TEAD1: variants seen among roughly 807,000 people sequenced by gnomAD.
The protein encoded by TEAD1 is TEA domain transcription factor 1.
In TEAD1, 9 loss-of-function variants were observed where a neutral mutation model predicts 54.9. That is an observed-to-expected ratio of 0.16 (90% CI 0.10 to 0.29). The LOEUF is 0.29. Among genes scored for constraint, TEAD1 ranks in the 10% least tolerant of loss-of-function variants. The pLI is 1.00. For missense variants in TEAD1, 387 were observed against 535.9 expected (o/e 0.72, Z 2.74); for synonymous variants, 200 against 187.8 (o/e 1.07, Z -0.53).
At chr11:12,692,458 T>G (rs1230434177) in intron 2 of TEAD1, among the ~76,000 whole-genome samples, 1 of 152,184 alleles carries the variant, frequency 6.6e-6, no homozygotes, top group Non-Finnish European at 1.5e-5. Flanking sequence ...ACCAGCATCC[T>G]GGCCTGGGAA....
chr11:12,864,721 A>C, intron 4 of TEAD1, 117 bp from the exon 5 acceptor site: 1 of 1,603,200 alleles, frequency 6.2e-7, no homozygotes, highest in Non-Finnish European at 8.5e-7. Context: ...CAAGAAAGAA[A>C]GTTCGAGAAA....
Position 12,799,499 on chromosome 11 carries a change from A to AGT in TEAD1, c.202+35076_202+35077dup, listed in dbSNP as rs554212680. Among the ~76,000 whole-genome samples the AGT allele has an allele frequency of 5.9e-3, 904 of 152,262 alleles. 5 individuals carry two copies. The highest frequency in any genetic ancestry group is 0.017 in the Middle Eastern group (5 of 294). ...TTCCCTCTGAAATTGGCAGAAGATG[A>AGT]GTGTGTGTGTGTCAGCGTTTTTAAC... is the stretch of plus-strand genomic sequence containing the variant. On this transcript the variant is annotated intron_variant, in intron 3 of 12. Coordinates refer to ENST00000527636, the MANE Select transcript of TEAD1 (RefSeq NM_021961.6).
At chr11:12,801,531 T>C (rs1004356257) in intron 3 of TEAD1, among the ~76,000 whole-genome samples, 2 of 152,244 alleles carry the variant, frequency 1.3e-5, no homozygotes, top group African/African-American at 4.8e-5. Flanking sequence ...TGTCAGTAAC[T>C]CTGTGAAATA....
intron 10 of TEAD1, among the ~76,000 whole-genome samples, chr11:12,908,537 C>T (rs1440278): frequency 0.03 from 4,619 of 152,178 alleles, 126 homozygotes; most frequent in East Asian, 0.12. Flanking sequence ...GCTCTGTGGC[C>T]GCACCTGACT....
intron 3 of TEAD1, 121 bp downstream of exon 3, chr11:12,764,555 T>G: frequency 1.7e-6 from 2 of 1,197,108 alleles, no homozygotes; most frequent in Non-Finnish European, 2.4e-6. Flanking sequence ...ATTTGTAGAA[T>G]TTTAGTGGGT....
intron 2 of TEAD1, among the ~76,000 whole-genome samples, chr11:12,700,732 C>G (rs1943683231): frequency 6.6e-6 from 1 of 152,148 alleles, no homozygotes; most frequent in Non-Finnish European, 1.5e-5. Flanking sequence ...GTTGCTTTTG[C>G]TTCCTAATTT....
Position 12,938,861 on chromosome 11 carries a change from A to ATGTG in TEAD1, c.*1640_*1641insGTGT, listed in dbSNP as rs1949133896. On this transcript the variant is annotated 3_prime_UTR_variant, in exon 13 of 13. Coordinates refer to ENST00000527636, the MANE Select transcript of TEAD1 (RefSeq NM_021961.6). ...TAAGTGGTAGGAACATGTGCACACA[A>ATGTG]TAGAACATGAAATAAGTTTTTTAAC... 6.6e-6 allele frequency: 1 copy of ATGTG among 152,240 alleles called. No homozygotes were observed. Among genetic ancestry groups the ATGTG allele is most frequent in the Non-Finnish European group, 1.5e-5 (1 of 68,054 alleles). 9.4% of individuals were successfully genotyped at this position (152,240 alleles called of 1,614,324 possible).
chr11:12,872,481 A>G (rs2134083837), intron 5 of TEAD1, among the ~76,000 whole-genome samples: 1 of 152,280 alleles, frequency 6.6e-6, no homozygotes, highest in Admixed American at 6.5e-5. Flanking sequence ...AGATATTTTT[A>G]TTACCTTGTT....
chr11:12,849,978 T>C (rs2134049015), intron 3 of TEAD1, among the ~76,000 whole-genome samples: 1 of 152,342 alleles, frequency 6.6e-6, no homozygotes, highest in East Asian at 1.9e-4. Flanking sequence ...TTGGAAAAGA[T>C]GTTCAATTTC....
chr11:12,768,585 C>G (rs1945253999), intron 3 of TEAD1, among the ~76,000 whole-genome samples: 1 of 152,220 alleles, frequency 6.6e-6, no homozygotes, highest in Non-Finnish European at 1.5e-5. Context: ...TAGCAGGTTT[C>G]AAATTCAGGG....
At chr11:12,800,928 C>T (rs1345420241) in intron 3 of TEAD1, among the ~76,000 whole-genome samples, 1 of 152,232 alleles carries the variant, frequency 6.6e-6, no homozygotes, top group Non-Finnish European at 1.5e-5. Flanking sequence ...TTCTCAGTGT[C>T]AGCACCATGC....
chr11:12,876,567 G>A (rs1352231656), intron 5 of TEAD1, among the ~76,000 whole-genome samples: 1 of 152,184 alleles, frequency 6.6e-6, no homozygotes, highest in Non-Finnish European at 1.5e-5. Context: ...TTGCTCAGAT[G>A]TGTCAGTCAG....
intron 2 of TEAD1, among the ~76,000 whole-genome samples, chr11:12,696,636 C>T (rs1943590401): frequency 6.6e-6 from 1 of 152,128 alleles, no homozygotes; most frequent in African/African-American, 2.4e-5. Flanking sequence ...CTCGTATTCC[C>T]TTACCGTTTT....
intron 10 of TEAD1, among the ~76,000 whole-genome samples, chr11:12,908,881 C>CTTTTTTTTTTTTTTT (rs1564986691): frequency 9.4e-5 from 7 of 74,316 alleles, no homozygotes; most frequent in African/African-American, 3.7e-4. Context: ...TTCAAATTAT[C>CTTTTTTTTTTTTTTT]TGTTTTTTTT....
intron 3 of TEAD1, among the ~76,000 whole-genome samples, chr11:12,787,736 C>T (rs1045373343): frequency 1.3e-5 from 2 of 152,072 alleles, no homozygotes; most frequent in African/African-American, 2.4e-5. Flanking sequence ...ATTATAAAAA[C>T]TAAATATGCA....
chr11:12,927,127 G>C (rs556476086), intron 11 of TEAD1, among the ~76,000 whole-genome samples: 1 of 152,332 alleles, frequency 6.6e-6, no homozygotes, highest in South Asian at 2.1e-4. Flanking sequence ...AGCAGGGAAA[G>C]GTTGCTCTTG....
At chr11:12,803,164 AT>A (rs1030172697) in intron 3 of TEAD1, among the ~76,000 whole-genome samples, 1 of 149,572 alleles carries the variant, frequency 6.7e-6, no homozygotes, top group Non-Finnish European at 1.5e-5. Flanking sequence ...AATTGTGAGG[AT>A]TTTTCCCCCC....
At chr11:12,687,327 G>A (rs1466117190) in intron 2 of TEAD1, among the ~76,000 whole-genome samples, 1 of 152,190 alleles carries the variant, frequency 6.6e-6, no homozygotes, top group African/African-American at 2.4e-5. Context: ...GTACTGCTGA[G>A]TTCACTTTTA....
chr11:12,901,897 T>C, intron 9 of TEAD1, 43 bp from the exon 10 acceptor site: 2 of 1,613,706 alleles, frequency 1.2e-6, no homozygotes, highest in South Asian at 2.2e-5. Flanking sequence ...TCCAGGTTGA[T>C]CAAAGAGTTT....
Sources: gnomAD v4.1 joint callset for allele counts (sites outside exome capture counted in the v4.1 genomes callset) on GRCh38, gnomAD v4.1.1 for gene constraint, MANE v1.5 for transcripts, NCBI Gene and HGNC (gene_info 2026-07-23, HGNC 2026-07-21) for gene names.